Variants in VPS8 observed in about 807,000 individuals in gnomAD.
VPS8 encodes VPS8 subunit of CORVET complex.
In VPS8, 129 loss-of-function variants were observed where a neutral mutation model predicts 216.4. The observed-to-expected ratio is 0.60, with a 90% CI of 0.52 to 0.69. VPS8 has a LOEUF of 0.69. Among genes scored for constraint, VPS8 ranks in the 30% least tolerant of loss-of-function variants. The pLI, the probability that VPS8 is intolerant of heterozygous loss-of-function variation, is 0.00. For synonymous variants in VPS8, 571 were observed against 565.4 expected, an observed-to-expected ratio of 1.01 and a Z score of -0.14; for missense variants, 1,531 against 1,683.5, an observed-to-expected ratio of 0.91 and a Z score of 1.59.
In VPS8 at chr3:184,824,542, AAG is replaced by A. The variant is rs1560265514; in HGVS notation, c.-87_-86del. ...GTTTTTGTTTTTTTCTTTTTTTGAA[AAG>A]AGATAATCATTCAGGTCTTCGTGAG... On this transcript the variant is annotated splice_acceptor_variant, in intron 1 of 47. Transcript: ENST00000625842. LOFTEE classifies it low-confidence loss of function (5UTR_SPLICE). The A allele has an allele frequency of 5.2e-6, 7 of 1,353,588 alleles. No homozygotes were observed. The East Asian group carries it at 1.4e-4, about 27-fold the overall frequency. 83.8% of individuals were successfully genotyped at this position (1,353,588 alleles called of 1,614,324 possible).
intron 45 of VPS8, among the ~76,000 whole-genome samples, chr3:185,009,041 G>C (rs1316097608): frequency 1.3e-5 from 2 of 152,160 alleles, no homozygotes; most frequent in East Asian, 3.8e-4. Flanking sequence ...GTAGAAAATG[G>C]ATAGCCAGAT....
intron 1 of VPS8, among the ~76,000 whole-genome samples, chr3:184,820,272 G>GT (rs1251826772): frequency 1.3e-5 from 2 of 152,142 alleles, no homozygotes; most frequent in Non-Finnish European, 2.9e-5. Flanking sequence ...GAGACCATCT[G>GT]TTTCCTTGTC....
At chr3:184,834,459 C>T (rs1720642752) in intron 4 of VPS8, among the ~76,000 whole-genome samples, 190 bp from the exon 5 acceptor site, 1 of 151,806 alleles carries the variant, frequency 6.6e-6, no homozygotes, top group African/African-American at 2.4e-5. Flanking sequence ...TGTAACAAAC[C>T]TGCACATTGT....
chr3:184,928,567 A>G (rs1456051879), intron 32 of VPS8, 34 bp downstream of exon 32: 4 of 1,374,376 alleles, frequency 2.9e-6, no homozygotes, highest in Non-Finnish European at 2.9e-6. Flanking sequence ...TTAGTTTGCC[A>G]TAGAAATATT....
intron 15 of VPS8, 40 bp from the exon 16 acceptor site, chr3:184,862,857 T>G (rs780917930): frequency 4.4e-6 from 7 of 1,589,166 alleles, no homozygotes; most frequent in Non-Finnish European, 6.0e-6. Flanking sequence ...ATGAAGCGGG[T>G]GTGGTCTCAC....
chr3:184,987,245 C>G (rs981386965), intron 42 of VPS8, among the ~76,000 whole-genome samples: 3 of 152,102 alleles, frequency 2.0e-5, no homozygotes, highest in Admixed American at 2.0e-4. Context: ...TCCCAAATGG[C>G]TGGGATTACA....
intron 45 of VPS8, among the ~76,000 whole-genome samples, chr3:185,004,796 C>T (rs1051225515): frequency 2.6e-5 from 4 of 152,026 alleles, no homozygotes. Flanking sequence ...TGAATATTTT[C>T]TCCCACTCTA....
At position 184,913,691 on chromosome 3, in the gene VPS8, G is replaced by A. The variant is rs530621388; in HGVS notation, c.2189+130G>A. The stretch of plus-strand genomic sequence containing the variant: ...CACAATTCTTTTATGTAGAGCAGTG[G>A]TTCTCAACCATGGATAATTTTGTCT... On this transcript the variant is annotated intron_variant, in intron 26 of 47. Coordinates refer to ENST00000625842, the MANE Select transcript of VPS8 (RefSeq NM_001009921.3). 2.4e-5 allele frequency: 16 copies of A among 678,680 alleles called. No homozygotes were observed. The South Asian group carries it at 4.4e-4, about 19-fold the overall frequency. The allele number at this position is 678,680 out of a possible 1,614,324, so 42.0% of individuals were successfully genotyped here.
rs191196490 is a variant in VPS8 at position 185,018,356 on chromosome 3, C to G, written c.4003-5980C>G. Among the ~76,000 whole-genome samples the G allele has an allele frequency of 3.3e-5, 5 of 152,348 alleles. No individual in the cohort carries two copies. The East Asian group carries it at 9.6e-4, about 29-fold the overall frequency. On this transcript the variant is annotated intron_variant, in intron 45 of 47. Transcript: ENST00000625842. ...ACAGCACTAAAGGAAGGATATTGTT[C>G]TGCACCTGAAGTGATTTTTTCCCAA...
At chr3:184,852,432 T>C (rs1724473471) in intron 10 of VPS8, 68 bp from the exon 11 acceptor site, 14 of 1,434,746 alleles carry the variant, frequency 9.8e-6, no homozygotes, top group South Asian at 5.0e-5. Context: ...CAAAATTGTA[T>C]AATTTTTTCC....
chr3:184,982,434 T>A, intron 40 of VPS8, 132 bp from the exon 41 acceptor site: 1 of 614,038 alleles, frequency 1.6e-6, no homozygotes, highest in East Asian at 2.9e-5. Flanking sequence ...TTTTTTCTAA[T>A]GTTTACCAAC....
chr3:184,864,462 C>T (rs539896133), intron 16 of VPS8, among the ~76,000 whole-genome samples: 2 of 152,122 alleles, frequency 1.3e-5, no homozygotes, highest in Non-Finnish European at 2.9e-5. Context: ...GACTCCTAAT[C>T]AGCAAATGCA....
chr3:184,918,343 T>G (rs1200616619), intron 28 of VPS8, among the ~76,000 whole-genome samples: 1 of 152,212 alleles, frequency 6.6e-6, no homozygotes, highest in African/African-American at 2.4e-5. Context: ...ATGTCCAAAT[T>G]CACAGATGAC....
At chr3:184,999,969 G>A in intron 45 of VPS8, 108 bp downstream of exon 45, 2 of 1,206,874 alleles carry the variant, frequency 1.7e-6, no homozygotes, top group Non-Finnish European at 2.3e-6. Context: ...TTTACCTGGT[G>A]GGTATTGGGT....
At chr3:184,917,404 TCTTC>T (rs756254380) in intron 28 of VPS8, among the ~76,000 whole-genome samples, 6 of 152,148 alleles carry the variant, frequency 3.9e-5, no homozygotes, top group Non-Finnish European at 8.8e-5. Context: ...TTCCTTCTTT[TCTTC>T]CTTCCTTCCT....
chr3:184,864,570 C>A (rs1031621563), intron 16 of VPS8, among the ~76,000 whole-genome samples: 3 of 152,150 alleles, frequency 2.0e-5, no homozygotes, highest in African/African-American at 7.2e-5. Context: ...GTGCTTGTTA[C>A]ACCAGCTAGA....
intron 16 of VPS8, among the ~76,000 whole-genome samples, chr3:184,865,936 C>T (rs1727264797): frequency 1.3e-5 from 2 of 151,248 alleles, no homozygotes; most frequent in Admixed American, 6.6e-5. Context: ...TGCAGTGAGC[C>T]GAGATGGTGC....
At chr3:184,839,996 G>T in intron 7 of VPS8, 1 of 955,898 alleles carries the variant, frequency 1.0e-6, no homozygotes, top group Non-Finnish European at 1.3e-6. Flanking sequence ...TGATCTCTCT[G>T]CAAACCTAGA....
intron 18 of VPS8, 103 bp downstream of exon 18, chr3:184,868,162 T>A (rs1397215242): frequency 4.8e-6 from 6 of 1,253,932 alleles, no homozygotes; most frequent in Non-Finnish European, 6.9e-6. Context: ...AGCTTCTTAA[T>A]TTCAGAAGTG....
Sources: allele counts gnomAD v4.1 joint callset (sites outside exome capture counted in the v4.1 genomes callset), GRCh38; gene constraint gnomAD v4.1.1; transcripts MANE v1.5; gene names NCBI Gene and HGNC (gene_info 2026-07-23, HGNC 2026-07-21).